The following USP25 variants were observed in gnomAD, a reference collection of about 807,000 sequenced individuals.
USP25 encodes the protein ubiquitin carboxyl-terminal hydrolase 25.
A neutral mutation model predicts 158.5 loss-of-function variants in USP25; 85 were observed. The observed-to-expected ratio is 0.54, with a 90% CI of 0.45 to 0.64. USP25 has a LOEUF of 0.64. Among genes scored for constraint, USP25 ranks in the 30% least tolerant of loss-of-function variants. USP25 has a pLI of 0.00. For missense variants in USP25, 1,242 were observed against 1,327.3 expected (o/e 0.94, Z 1.00); for synonymous variants, 464 against 460.4 (o/e 1.01, Z -0.10).
chr21:15,818,610 T>C, intron 9 of USP25, 88 bp from the exon 10 acceptor site: 1 of 1,160,174 alleles, frequency 8.6e-7, no homozygotes, highest in East Asian at 2.4e-5. Context: ...GTTACAATTT[T>C]CAGGTTCAGG....
intron 9 of USP25, among the ~76,000 whole-genome samples, chr21:15,811,767 G>A (rs2146296973): frequency 6.6e-6 from 1 of 152,242 alleles, no homozygotes; most frequent in Non-Finnish European, 1.5e-5. Context: ...AGTAGTTTCT[G>A]TTTGGGTTCC....
intron 2 of USP25, among the ~76,000 whole-genome samples, chr21:15,765,509 C>T (rs1251043518): frequency 6.6e-6 from 1 of 151,998 alleles, no homozygotes; most frequent in Non-Finnish European, 1.5e-5. Context: ...TCAAGCCCTT[C>T]AGTACATTTT....
intron 10 of USP25, 111 bp from the exon 11 acceptor site, chr21:15,823,928 C>A: frequency 9.2e-7 from 1 of 1,084,684 alleles, no homozygotes; most frequent in Non-Finnish European, 1.3e-6. Context: ...GTCAGGTCCG[C>A]ATTGTGGTGA....
intron 20 of USP25, among the ~76,000 whole-genome samples, chr21:15,861,854 G>T (rs1355336748): frequency 6.6e-6 from 1 of 152,080 alleles, no homozygotes; most frequent in Non-Finnish European, 1.5e-5. Context: ...TAGAAATTTA[G>T]AAGTGTCTTT....
chr21:15,783,389 G>T (rs1274647812), intron 4 of USP25, among the ~76,000 whole-genome samples: 1 of 152,062 alleles, frequency 6.6e-6, no homozygotes, highest in African/African-American at 2.4e-5. Context: ...AGGAAGTCTT[G>T]GAAGTTATGG....
chr21:15,824,816 A>G (rs2037416568), intron 11 of USP25, 150 bp from the exon 12 acceptor site: 2 of 594,968 alleles, frequency 3.4e-6, no homozygotes, highest in Admixed American at 3.6e-5. Flanking sequence ...AGATTTCACC[A>G]TGTTGGCCAG....
chr21:15,858,641 TC>T (rs1194139551), intron 20 of USP25, among the ~76,000 whole-genome samples: 1 of 152,048 alleles, frequency 6.6e-6, no homozygotes, highest in Non-Finnish European at 1.5e-5. Context: ...ATTTCTTATT[TC>T]ATTTCTGGTT....
At chr21:15,824,909 A>G in intron 11 of USP25, 57 bp from the exon 12 acceptor site, 2 of 1,407,530 alleles carry the variant, frequency 1.4e-6, no homozygotes, top group South Asian at 1.2e-5. Context: ...GCATCTGGCC[A>G]TATTGCATCT....
chr21:15,878,505 A>G lies in USP25; in HGVS notation c.*30A>G, dbSNP rs755862342. ...CACACTTTCCCTGAACACACTGTAT[A>G]AACTCTTTTTAGTTCTTAACCCTTG... On this transcript the variant is annotated 3_prime_UTR_variant, in exon 26 of 26. Coordinates refer to ENST00000400183, the MANE Select transcript of USP25 (RefSeq NM_001283041.3). 1 of 1,596,550 alleles carries G rather than the reference A, an allele frequency of 6.3e-7. No homozygotes were observed. The highest frequency in any genetic ancestry group is 1.1e-5 in the South Asian group (1 of 88,566).
At chr21:15,820,959 A>AAGCAGT (rs2037202321) in intron 10 of USP25, among the ~76,000 whole-genome samples, 1 of 152,030 alleles carries the variant, frequency 6.6e-6, no homozygotes, top group African/African-American at 2.4e-5. Context: ...AAACATGATT[A>AAGCAGT]TATCCAAAAT....
intron 1 of USP25, among the ~76,000 whole-genome samples, chr21:15,754,205 T>G (rs1177175771): frequency 6.6e-6 from 1 of 152,220 alleles, no homozygotes; most frequent in Admixed American, 6.5e-5. Context: ...GCAGTCTTAT[T>G]TGGAGGTGGT....
chr21:15,770,776 A>G (rs1333700895), intron 3 of USP25, among the ~76,000 whole-genome samples: 1 of 152,232 alleles, frequency 6.6e-6, no homozygotes, highest in Non-Finnish European at 1.5e-5. Context: ...CATTTCCATT[A>G]TCACAGAAAG....
intron 4 of USP25, among the ~76,000 whole-genome samples, chr21:15,787,804 A>C (rs902447377): frequency 5.9e-5 from 9 of 151,626 alleles, no homozygotes; most frequent in South Asian, 2.1e-4. Flanking sequence ...AATACTTCCC[A>C]AAAAGGGGCT....
At chr21:15,731,321 C>T (rs2030874029) in intron 1 of USP25, among the ~76,000 whole-genome samples, 1 of 152,058 alleles carries the variant, frequency 6.6e-6, no homozygotes, top group African/African-American at 2.4e-5. Flanking sequence ...GCGTGAAAAG[C>T]ATTTTGGGCA....
chr21:15,870,320 C>T (rs1268887506), intron 23 of USP25, among the ~76,000 whole-genome samples, 173 bp downstream of exon 23: 1 of 152,056 alleles, frequency 6.6e-6, no homozygotes, highest in Non-Finnish European at 1.5e-5. Context: ...TAGAGACTTC[C>T]CATATACCCC....
In USP25 at chr21:15,730,496, C is replaced by T. The variant is rs552397283; in HGVS notation, c.45+58C>T. ...TTCTCCTTCCGACGGGCTGTCCTCT[C>T]CCGCTGCGGCCGGGCGCCCCGGCCT... On this transcript the variant is annotated intron_variant, in intron 1 of 25. Coordinates refer to ENST00000400183, the MANE Select transcript of USP25 (RefSeq NM_001283041.3). 6.9e-6 allele frequency: 9 copies of T among 1,300,898 alleles called. No homozygotes were observed. In the African/African-American group the frequency reaches 1.1e-4, roughly 16 times the overall value. 80.6% of individuals were successfully genotyped at this position (1,300,898 alleles called of 1,614,324 possible).
chr21:15,794,583 A>G (rs981580246), intron 5 of USP25, among the ~76,000 whole-genome samples: 24 of 151,418 alleles, frequency 1.6e-4, no homozygotes, highest in African/African-American at 4.8e-4. Context: ...GCCCCTTAGC[A>G]CCTTTCCATT....
In USP25 at chr21:15,875,933, T is replaced by C. The variant is rs1285824452; in HGVS notation, c.3009+1407T>C. On this transcript the variant is annotated intron_variant, in intron 24 of 25. Transcript: ENST00000400183. The surrounding 1 kb of genome is among the most constrained non-coding windows in gnomAD (Gnocchi z 4.7). Reference sequence around the variant, plus strand: ...AGAGGATGAACAGGAAAGAAGTAGATTGAAGTCAAGAACCTTAGAGGGGAA... The same window carrying C: ...AGAGGATGAACAGGAAAGAAGTAGACTGAAGTCAAGAACCTTAGAGGGGAA... 1.3e-5 allele frequency: 2 copies of C among 152,180 alleles called. No homozygotes were observed. The highest frequency in any genetic ancestry group is 4.8e-5 in the African/African-American group (2 of 41,452). The allele number at this position is 152,180 out of a possible 1,614,324, so 9.4% of individuals were successfully genotyped here.
At chr21:15,841,736 G>A (rs2038343155) in intron 17 of USP25, among the ~76,000 whole-genome samples, 1 of 152,146 alleles carries the variant, frequency 6.6e-6, no homozygotes, top group Non-Finnish European at 1.5e-5. Flanking sequence ...ACAGAGACTG[G>A]CTGCTTTGTC....
Sources: gnomAD v4.1 joint callset for allele counts (sites outside exome capture counted in the v4.1 genomes callset) on GRCh38, gnomAD v4.1.1 for gene constraint, Gnocchi (gnomAD v3.1) non-coding constraint, MANE v1.5 for transcripts, NCBI Gene and HGNC (gene_info 2026-07-23, HGNC 2026-07-21) for gene names.